Variants in SDAD1 observed in about 807,000 individuals in gnomAD.
The protein encoded by SDAD1 is protein SDA1 homolog.
SDAD1 carries 79 observed loss-of-function variants against 100.3 expected under a neutral mutation model. That is an observed-to-expected ratio of 0.79 (90% CI 0.66 to 0.95). SDAD1 has a LOEUF of 0.95. Among genes scored for constraint, SDAD1 ranks in the 40% least tolerant of loss-of-function variants. The probability of loss-of-function intolerance (pLI) is 0.00; values close to 1 mark genes in which losing one functional copy is unlikely to be tolerated. For synonymous variants in SDAD1, 267 were observed against 271.4 expected, an observed-to-expected ratio of 0.98 and a Z score of 0.16; for missense variants, 790 against 810.9, an observed-to-expected ratio of 0.97 and a Z score of 0.31.
At chr4:75,981,622 A>C (rs3733239) in intron 2 of SDAD1, 152 bp from the exon 3 acceptor site, 340,061 of 1,283,432 alleles carry the variant, frequency 0.26, 47,288 homozygotes, top group East Asian at 0.51. Flanking sequence ...TCTACATGTT[A>C]ATTTCTCCAA....
At chr4:75,981,051 A>C (rs1271215705) in intron 3 of SDAD1, 1 of 211,770 alleles carries the variant, frequency 4.7e-6, no homozygotes, top group Non-Finnish European at 9.5e-6. Flanking sequence ...GACTAGAAGA[A>C]ATCATCTCAA....
intron 7 of SDAD1, 120 bp downstream of exon 7, chr4:75,973,956 T>C: frequency 1.3e-6 from 1 of 742,182 alleles, no homozygotes; most frequent in Non-Finnish European, 2.3e-6. Context: ...TGATGCTTAC[T>C]TCTAACTGCA....
In SDAD1 at chr4:75,950,135, G is replaced by A. The variant is rs1219212985; in HGVS notation, c.*615C>T. 2.0e-5 allele frequency: 1 copy of A among 50,860 alleles called. No individual in the cohort carries two copies. Among genetic ancestry groups the A allele is most frequent in the Non-Finnish European group, 3.4e-5 (1 of 29,698 alleles). The allele number at this position is 50,860 out of a possible 1,614,324, so 3.2% of individuals were successfully genotyped here. A position where few individuals can be genotyped will look rare whatever the true frequency, so the allele number is the denominator to read the frequency against. ...ACAAAAACAAAAACAAAAAAAACAC[G>A]GGGGGGGGGGGGTCACTTAAATCTC... is the stretch of plus-strand genomic sequence containing the variant. On this transcript the variant is annotated 3_prime_UTR_variant, in exon 22 of 22. Transcript: ENST00000356260.
intron 21 of SDAD1, 91 bp downstream of exon 21, chr4:75,955,884 A>G: frequency 1.4e-6 from 2 of 1,385,144 alleles, no homozygotes; most frequent in Non-Finnish European, 2.0e-6. Flanking sequence ...AATAATGCCC[A>G]GTCTTCAGAA....
At chr4:75,956,620 G>C (rs1209334653) in intron 20 of SDAD1, among the ~76,000 whole-genome samples, 3 of 152,180 alleles carry the variant, frequency 2.0e-5, no homozygotes, top group Non-Finnish European at 4.4e-5. Context: ...ACACAGACAT[G>C]AGCAGCCACA....
rs1212334618 is a variant in SDAD1 at position 75,975,862 on chromosome 4, AAAG to A, written c.478-21_478-19del. 1 of 1,610,042 alleles carries A rather than the reference AAAG, an allele frequency of 6.2e-7. No homozygotes were observed. The highest frequency in any genetic ancestry group is 8.5e-7 in the Non-Finnish European group (1 of 1,176,322). ...TGCAATACCTGCAGAAAAGGAGGAG[AAAG>A]AAGACTTAATGCACTGATGGTACAA... On this transcript the variant is annotated intron_variant, in intron 5 of 21. Coordinates refer to ENST00000356260, the MANE Select transcript of SDAD1 (RefSeq NM_018115.4).
At position 75,957,934 on chromosome 4, in the gene SDAD1, C is replaced by CCAT. The variant is rs1171446738; in HGVS notation, c.1488_1490dup (p.Gly496_Trp497insTer). The CCAT allele has an allele frequency of 6.2e-7, 1 of 1,612,392 alleles. No individual in the cohort carries two copies. The highest frequency in any genetic ancestry group is 2.2e-5 in the East Asian group (1 of 44,892). ...CCTCCTCACTGAGACTGGTACTTTC[C>CCAT]CATCCATCTGCGTGAAAAAAGCAAA... On this transcript the variant is annotated stop_gained, in exon 18 of 22. Transcript: ENST00000356260. LOFTEE classifies it high-confidence loss of function.
rs761225016 is a variant in SDAD1 at position 75,964,223 on chromosome 4, AC to A, written c.1105-13del. 3 of 1,575,640 alleles carry A rather than the reference AC, an allele frequency of 1.9e-6. No homozygotes were observed. The highest frequency in any genetic ancestry group is 1.7e-6 in the Non-Finnish European group (2 of 1,148,304). On this transcript the variant is annotated splice_polypyrimidine_tract_variant and intron_variant, in intron 13 of 21. Coordinates refer to ENST00000356260, the MANE Select transcript of SDAD1 (RefSeq NM_018115.4). ...AATGATTGAATAATCTGAATTGGAA[AC>A]AAAAAAGAGATGGGTGCTGATTAAA...
chr4:75,970,890 G>C (rs1254113063), intron 9 of SDAD1, among the ~76,000 whole-genome samples: 1 of 152,104 alleles, frequency 6.6e-6, no homozygotes, highest in Non-Finnish European at 1.5e-5. Flanking sequence ...TAAGTTTCCT[G>C]AGGCCTCCCC....
chr4:75,989,740 T>G (rs1731122853), intron 1 of SDAD1, among the ~76,000 whole-genome samples: 1 of 152,216 alleles, frequency 6.6e-6, no homozygotes, highest in Non-Finnish European at 1.5e-5. Context: ...TTACTTAACT[T>G]CTTGTACTTG....
intron 21 of SDAD1, among the ~76,000 whole-genome samples, chr4:75,951,259 G>T (rs990009709): frequency 6.6e-6 from 1 of 152,034 alleles, no homozygotes. Context: ...ATCACTCAAA[G>T]ATTTTATAAT....
intron 1 of SDAD1, among the ~76,000 whole-genome samples, chr4:75,989,015 T>TA (rs1259606220): frequency 3.3e-5 from 5 of 151,978 alleles, no homozygotes; most frequent in African/African-American, 9.6e-5. Flanking sequence ...AGTAAATTCT[T>TA]AAAAAAAATA....
chr4:75,951,470 C>A (rs1728625502), intron 21 of SDAD1, among the ~76,000 whole-genome samples: 1 of 152,152 alleles, frequency 6.6e-6, no homozygotes, highest in Non-Finnish European at 1.5e-5. Context: ...CTAGTTAATA[C>A]AGGCTCTAAT....
At position 75,970,432 on chromosome 4, in the gene SDAD1, A is replaced by G; in HGVS notation, c.814-54T>C. 9 of 1,370,994 alleles carry G rather than the reference A, an allele frequency of 6.6e-6. No individual in the cohort carries two copies. The Middle Eastern group carries it at 7.2e-4, about 109-fold the overall frequency. The allele number at this position is 1,370,994 out of a possible 1,614,324, so 84.9% of individuals were successfully genotyped here. On this transcript the variant is annotated intron_variant, in intron 9 of 21. Coordinates refer to ENST00000356260, the MANE Select transcript of SDAD1 (RefSeq NM_018115.4). The stretch of plus-strand genomic sequence containing the variant: ...TCTGAGTTACAGTGATGATGCTCTT[A>G]GAACTTAATGTGCTAATAAGGCTGT...
At chr4:75,968,855 C>A (rs1729700857) in intron 11 of SDAD1, among the ~76,000 whole-genome samples, 1 of 151,666 alleles carries the variant, frequency 6.6e-6, no homozygotes, top group Non-Finnish European at 1.5e-5. Flanking sequence ...TATGGTGAAA[C>A]CCCGTCTCTA....
intron 9 of SDAD1, among the ~76,000 whole-genome samples, chr4:75,970,653 A>C (rs1729816359): frequency 6.6e-6 from 1 of 152,174 alleles, no homozygotes; most frequent in South Asian, 2.1e-4. Flanking sequence ...TCCCCACCCA[A>C]ATTTCATCTC....
intron 13 of SDAD1, 98 bp from the exon 14 acceptor site, chr4:75,964,309 C>G: frequency 7.4e-6 from 6 of 807,138 alleles, no homozygotes; most frequent in Non-Finnish European, 1.2e-5. Context: ...AGTGGAAAAC[C>G]CAGCCTTCCA....
chr4:75,963,199 T>C (rs1195794647), intron 14 of SDAD1, among the ~76,000 whole-genome samples: 1 of 152,126 alleles, frequency 6.6e-6, no homozygotes, highest in Non-Finnish European at 1.5e-5. Flanking sequence ...AACAGATGGT[T>C]ATAGATGTGT....
chr4:75,981,538 A>G, intron 2 of SDAD1, 68 bp from the exon 3 acceptor site: 1 of 1,603,848 alleles, frequency 6.2e-7, no homozygotes, highest in Non-Finnish European at 8.5e-7. Flanking sequence ...GCATACATTT[A>G]GGATGTTCTG....
Sources: gnomAD v4.1 joint callset for allele counts (sites outside exome capture counted in the v4.1 genomes callset) on GRCh38, gnomAD v4.1.1 for gene constraint, MANE v1.5 for transcripts, NCBI Gene and HGNC (gene_info 2026-07-23, HGNC 2026-07-21) for gene names.